Variants in CCDC178 observed in about 807,000 individuals in gnomAD.
The protein encoded by CCDC178 is coiled-coil domain-containing protein 178.
A neutral mutation model predicts 117.4 loss-of-function variants in CCDC178; 126 were observed. That is an observed-to-expected ratio of 1.07 (90% CI 0.93 to 1.24). CCDC178 has a LOEUF of 1.24. Ranked by LOEUF, CCDC178 falls within the 50% of genes most tolerant of loss-of-function variation. CCDC178 has a pLI of 0.00. For missense variants in CCDC178, 1,030 were observed against 986.9 expected (o/e 1.04, Z -0.59); for synonymous variants, 283 against 313.4 (o/e 0.90, Z 1.02).
intron 15 of CCDC178, among the ~76,000 whole-genome samples, chr18:33,236,181 G>T (rs2059424450): frequency 6.6e-6 from 1 of 152,026 alleles, no homozygotes; most frequent in African/African-American, 2.4e-5. Flanking sequence ...TCTAGATGAT[G>T]GATTAAAGAT....
intron 9 of CCDC178, among the ~76,000 whole-genome samples, chr18:33,340,301 C>T (rs972675710): frequency 2.0e-5 from 3 of 152,068 alleles, no homozygotes; most frequent in African/African-American, 7.2e-5. Flanking sequence ...CCCTAAGCAG[C>T]GAAGCACTCA....
intron 5 of CCDC178, among the ~76,000 whole-genome samples, chr18:33,382,692 T>C (rs932182708): frequency 7.9e-5 from 12 of 152,004 alleles, no homozygotes; most frequent in Non-Finnish European, 1.5e-4. Context: ...GATGAGGAGA[T>C]TCCCCCGTGA....
intron 21 of CCDC178, among the ~76,000 whole-genome samples, chr18:33,015,963 A>G (rs1333601124): frequency 1.3e-5 from 2 of 152,182 alleles, no homozygotes; most frequent in Admixed American, 1.3e-4. Context: ...ATAGAAAGAG[A>G]ATGAACAAAG....
intron 21 of CCDC178, among the ~76,000 whole-genome samples, chr18:33,087,848 ATAAT>A (rs966463891): frequency 6.6e-5 from 10 of 152,188 alleles, no homozygotes; most frequent in East Asian, 1.9e-4. Flanking sequence ...CTCTAGGAAA[ATAAT>A]TAATTGTTTA....
chr18:33,322,978 C>T (rs1047804577), intron 11 of CCDC178, among the ~76,000 whole-genome samples: 1 of 150,612 alleles, frequency 6.6e-6, no homozygotes, highest in African/African-American at 2.4e-5. Flanking sequence ...GAAGGAATAG[C>T]AGAAAATAAA....
intron 10 of CCDC178, among the ~76,000 whole-genome samples, chr18:33,327,949 G>A (rs2062607189): frequency 6.6e-6 from 1 of 151,880 alleles, no homozygotes; most frequent in Non-Finnish European, 1.5e-5. Flanking sequence ...TCATTCTATA[G>A]GTTGTCTTTT....
chr18:33,238,975 T>C (rs1393612950), intron 15 of CCDC178, among the ~76,000 whole-genome samples: 1 of 151,968 alleles, frequency 6.6e-6, no homozygotes, highest in East Asian at 1.9e-4. Context: ...ATGGTATATT[T>C]AAAAGGCTTA....
At chr18:33,293,542 G>A (rs1463151554) in intron 11 of CCDC178, among the ~76,000 whole-genome samples, 1 of 151,934 alleles carries the variant, frequency 6.6e-6, no homozygotes, top group Non-Finnish European at 1.5e-5. Flanking sequence ...GCACATGCCT[G>A]TAGTCCCATC....
At chr18:33,365,368 G>T (rs902237534) in intron 6 of CCDC178, among the ~76,000 whole-genome samples, 8 of 152,038 alleles carry the variant, frequency 5.3e-5, no homozygotes, top group African/African-American at 1.9e-4. Context: ...TCAAGGACAC[G>T]ATGTCATGGC....
At chr18:33,272,915 C>T (rs1300877052) in intron 12 of CCDC178, among the ~76,000 whole-genome samples, 1 of 150,882 alleles carries the variant, frequency 6.6e-6, no homozygotes, top group Non-Finnish European at 1.5e-5. Context: ...AAAAATGTAC[C>T]TGTGAAAGCC....
chr18:33,144,966 C>T (rs567457266), intron 20 of CCDC178, among the ~76,000 whole-genome samples: 10 of 152,192 alleles, frequency 6.6e-5, no homozygotes, highest in African/African-American at 2.4e-4. Context: ...AACACAAGGA[C>T]TAGGCAAATA....
chr18:33,211,999 T>G lies in CCDC178; in HGVS notation c.2135A>C (p.His712Pro), dbSNP rs148139321. ...ACAGTCTTTTTTCTCTTGCATATAA[T>G]GATCAAACACAGTTTGTGCATGTTC... The part of the protein sequence containing the change: ...KREHAQTVFD[H>P]YMQEKKDCEE... Residue 712 changes from histidine (H) to proline (P), a missense_variant, in exon 20 of 23, where the codon CAT becomes CCT. Coordinates refer to ENST00000383096, the MANE Select transcript of CCDC178 (RefSeq NM_001105528.4). The G allele has an allele frequency of 3.1e-6, 5 of 1,608,334 alleles. No individual in the cohort carries two copies. The African/African-American group carries it at 5.4e-5, about 17-fold the overall frequency.
chr18:33,209,260 G>A (rs1568057430), intron 20 of CCDC178, among the ~76,000 whole-genome samples: 1 of 151,970 alleles, frequency 6.6e-6, no homozygotes, highest in Admixed American at 6.6e-5. Context: ...GCCTACTGAA[G>A]AGAGATCAAA....
intron 14 of CCDC178, among the ~76,000 whole-genome samples, chr18:33,264,090 A>C (rs960317412): frequency 3.3e-5 from 5 of 152,132 alleles, no homozygotes; most frequent in Admixed American, 1.3e-4. Flanking sequence ...AAACAAAAAA[A>C]TCATAAAACA....
chr18:33,278,483 T>C (rs890443785), intron 12 of CCDC178, among the ~76,000 whole-genome samples: 3 of 151,860 alleles, frequency 2.0e-5, no homozygotes, highest in African/African-American at 7.3e-5. Flanking sequence ...TCAATTAAAA[T>C]TGATTGAATA....
At chr18:33,338,940 C>T (rs2062778624) in intron 9 of CCDC178, among the ~76,000 whole-genome samples, 2 of 151,916 alleles carry the variant, frequency 1.3e-5, no homozygotes, top group South Asian at 4.2e-4. Flanking sequence ...TTAGCCTTAA[C>T]AGAAGTTTTT....
intron 21 of CCDC178, among the ~76,000 whole-genome samples, chr18:33,076,539 C>A (rs1470836806): frequency 2.0e-5 from 3 of 152,172 alleles, no homozygotes; most frequent in African/African-American, 7.2e-5. Context: ...AAATGTGTTG[C>A]CTTTCTCCTC....
chr18:33,317,995 A>G (rs557268566), intron 11 of CCDC178, among the ~76,000 whole-genome samples: 6 of 152,208 alleles, frequency 3.9e-5, no homozygotes, highest in Non-Finnish European at 8.8e-5. Flanking sequence ...TCATGAAACA[A>G]CCGGAAGAAG....
intron 15 of CCDC178, among the ~76,000 whole-genome samples, chr18:33,237,780 C>CAAA (rs57087942): frequency 2.7e-5 from 4 of 145,588 alleles, no homozygotes; most frequent in African/African-American, 1.0e-4. Context: ...CTGAAAAAAA[C>CAAA]AAAAAAAAAA....
Sources: gnomAD v4.1 joint callset for allele counts (sites outside exome capture counted in the v4.1 genomes callset) on GRCh38, gnomAD v4.1.1 for gene constraint, MANE v1.5 for transcripts, NCBI Gene and HGNC (gene_info 2026-07-23, HGNC 2026-07-21) for gene names.